Variants in THSD4 observed in about 807,000 individuals in gnomAD.
THSD4 encodes thrombospondin type 1 domain containing 4, also known as thrombospondin type-1 domain-containing protein 4.
THSD4 carries 69 observed loss-of-function variants against 119.0 expected under a neutral mutation model. The ratio of observed to expected loss-of-function variants is 0.58; its 90% CI spans 0.48 to 0.71. THSD4 has a LOEUF of 0.71. Ranked by LOEUF, THSD4 falls within the 30% of genes least tolerant of loss-of-function variation. The pLI is 0.00. For missense variants in THSD4, 1,393 were observed against 1,391.1 expected (o/e 1.00, Z -0.02); for synonymous variants, 524 against 540.4 (o/e 0.97, Z 0.42).
chr15:71,699,772 G>A (rs2052247127), intron 8 of THSD4, among the ~76,000 whole-genome samples: 1 of 152,046 alleles, frequency 6.6e-6, no homozygotes, highest in South Asian at 2.1e-4. Flanking sequence ...GCTTTGTGGG[G>A]GGCAAATTGT....
In THSD4 at chr15:71,378,540, A is replaced by G. The variant is rs569351993; in HGVS notation, c.1016-33147A>G. On this transcript the variant is annotated intron_variant, in intron 6 of 17. Transcript: ENST00000261862. The stretch of plus-strand genomic sequence containing the variant: ...CATCCTTGAGGAATTCAGAATTTCA[A>G]TGAGAACACAGGTAGGAAAACAATG... 2.0e-5 allele frequency among the ~76,000 whole-genome samples: 3 copies of G among 152,352 alleles called. No individual in the cohort carries two copies. In the South Asian group the frequency reaches 6.2e-4, roughly 32 times the overall value.
rs150251553 is a variant in THSD4, at chr15:71,778,005, AG to A, written c.*636del. 1,563 of 152,638 alleles carry A rather than the reference AG, an allele frequency of 0.01. 28 individuals are homozygous for A. The highest frequency in any genetic ancestry group is 0.036 in the African/African-American group (1,485 of 41,566). 9.5% of individuals were successfully genotyped at this position (152,638 alleles called of 1,614,324 possible). A position where few individuals can be genotyped will look rare whatever the true frequency, so the allele number is the denominator to read the frequency against. On this transcript the variant is annotated 3_prime_UTR_variant, in exon 18 of 18. Transcript: ENST00000261862. Reference sequence around the variant, plus strand: ...CTCACAACATCCCAGAATGGGAGGCAGGGGGTGACTCATTATCCCCATTTTA... The same window carrying A: ...CTCACAACATCCCAGAATGGGAGGCAGGGGTGACTCATTATCCCCATTTTA...
chr15:71,488,271 A>G (rs1274736803), intron 7 of THSD4, among the ~76,000 whole-genome samples: 1 of 152,232 alleles, frequency 6.6e-6, no homozygotes, highest in Non-Finnish European at 1.5e-5. Context: ...ATCTCCTAAT[A>G]TTAAACTGTA....
intron 8 of THSD4, among the ~76,000 whole-genome samples, chr15:71,678,926 A>G (rs1191313792): frequency 6.6e-6 from 1 of 152,202 alleles, no homozygotes; most frequent in South Asian, 2.1e-4. Context: ...CTTTGGGGGC[A>G]GAATTTGTCT....
At chr15:71,557,479 C>T (rs1243440593) in intron 7 of THSD4, among the ~76,000 whole-genome samples, 3 of 151,812 alleles carry the variant, frequency 2.0e-5, no homozygotes, top group Non-Finnish European at 4.4e-5. Context: ...AAGGCTATAC[C>T]AGTCTTATAA....
chr15:71,670,851 A>G (rs980826172), intron 8 of THSD4, among the ~76,000 whole-genome samples: 36 of 152,264 alleles, frequency 2.4e-4, no homozygotes, highest in Non-Finnish European at 3.4e-4. Flanking sequence ...GCTGCATAGT[A>G]TTCCATGGTG....
chr15:71,755,387 G>T lies in THSD4; in HGVS notation c.2416-2515G>T, dbSNP rs139411456. Among the ~76,000 whole-genome samples, 830 of 152,276 alleles carry T rather than the reference G, an allele frequency of 5.5e-3. 4 individuals carry two copies. The highest frequency in any genetic ancestry group is 8.1e-3 in the Non-Finnish European group (551 of 68,012). On this transcript the variant is annotated intron_variant, in intron 14 of 17. Coordinates refer to ENST00000261862, the MANE Select transcript of THSD4 (RefSeq NM_024817.3). ...GAAATTTTGATAAGGAAATGAGGTT[G>T]TAAGGATTGTTTTTCCCTTTTCTCA...
chr15:71,745,570 G>C (rs1279829221), intron 12 of THSD4, among the ~76,000 whole-genome samples: 1 of 152,152 alleles, frequency 6.6e-6, no homozygotes, highest in Non-Finnish European at 1.5e-5. Context: ...ACAGAGAGAG[G>C]ATAATGCAAG....
chr15:71,371,872 G>A (rs1425106443), intron 6 of THSD4, among the ~76,000 whole-genome samples: 5 of 152,190 alleles, frequency 3.3e-5, no homozygotes, highest in Non-Finnish European at 5.9e-5. Flanking sequence ...ACTGCAGAGT[G>A]TTTTCCAACT....
At chr15:71,489,930 C>A (rs1214877311) in intron 7 of THSD4, among the ~76,000 whole-genome samples, 1 of 152,030 alleles carries the variant, frequency 6.6e-6, no homozygotes, top group Non-Finnish European at 1.5e-5. Context: ...CTGTTAAAAT[C>A]TTTGTGTATT....
chr15:71,295,544 T>G (rs2044851193), intron 6 of THSD4, among the ~76,000 whole-genome samples: 1 of 152,212 alleles, frequency 6.6e-6, no homozygotes, highest in Non-Finnish European at 1.5e-5. Context: ...GCAATCTGGC[T>G]CTGTATGAAC....
At chr15:71,201,728 T>G (rs1458284994) in intron 3 of THSD4, among the ~76,000 whole-genome samples, 1 of 152,222 alleles carries the variant, frequency 6.6e-6, no homozygotes, top group African/African-American at 2.4e-5. Flanking sequence ...GGCTGTAAGC[T>G]GTTGGCTCTG....
At chr15:71,210,260 G>C (rs1339989489) in intron 3 of THSD4, among the ~76,000 whole-genome samples, 1 of 152,202 alleles carries the variant, frequency 6.6e-6, no homozygotes, top group Admixed American at 6.5e-5. Context: ...CATCTGTAAA[G>C]GGAGGTGATG....
At position 71,226,754 on chromosome 15, in the gene THSD4, G is replaced by A. The variant is rs1028125290; in HGVS notation, c.464+11355G>A. ...CCAGGGAGTCTTGTTACCTACAGGG[G>A]GGCAGAAACCACATAGCAAGAAGTG... On this transcript the variant is annotated intron_variant, in intron 4 of 17. Transcript: ENST00000261862. Among the ~76,000 whole-genome samples the A allele has an allele frequency of 3.3e-5, 5 of 152,168 alleles. No homozygotes were observed. In the South Asian group the frequency reaches 1.0e-3, roughly 32 times the overall value.
intron 1 of THSD4, among the ~76,000 whole-genome samples, chr15:71,128,946 T>TA (rs2040478826): frequency 6.6e-6 from 1 of 152,136 alleles, no homozygotes; most frequent in African/African-American, 2.4e-5. Flanking sequence ...TAATTGCAAT[T>TA]ATCTGGATGA....
chr15:71,429,197 C>T (rs891157021), intron 7 of THSD4, among the ~76,000 whole-genome samples: 13 of 152,288 alleles, frequency 8.5e-5, no homozygotes, highest in African/African-American at 3.1e-4. Context: ...AATCTGACAG[C>T]CCAGTAGCTC....
Position 71,717,054 on chromosome 15 carries a change from C to T in THSD4, c.1358-11495C>T, listed in dbSNP as rs534652422. 5.9e-5 allele frequency among the ~76,000 whole-genome samples: 9 copies of T among 152,318 alleles called. No individual in the cohort carries two copies. In the South Asian group the frequency reaches 1.9e-3, roughly 32 times the overall value. On this transcript the variant is annotated intron_variant, in intron 8 of 17. Coordinates refer to ENST00000261862, the MANE Select transcript of THSD4 (RefSeq NM_024817.3). ...AAGATGCATTCTGGGGCACATGTTG[C>T]TGCCTTTTGCATACATATGTGAGCC...
intron 8 of THSD4, among the ~76,000 whole-genome samples, chr15:71,676,512 C>T (rs973760521): frequency 2.0e-5 from 3 of 152,162 alleles, no homozygotes; most frequent in East Asian, 1.9e-4. Flanking sequence ...AATCTCTTGA[C>T]CTCGTGATCT....
chr15:71,638,506 T>G (rs1038392161), intron 7 of THSD4, among the ~76,000 whole-genome samples: 19 of 152,226 alleles, frequency 1.2e-4, no homozygotes, highest in Non-Finnish European at 2.6e-4. Flanking sequence ...GCAAGTAGCA[T>G]TCTATGTCTA....
Sources: gnomAD v4.1 joint callset for allele counts (sites outside exome capture counted in the v4.1 genomes callset) on GRCh38, gnomAD v4.1.1 for gene constraint, MANE v1.5 for transcripts, NCBI Gene and HGNC (gene_info 2026-07-23, HGNC 2026-07-21) for gene names.